Variants in ZNF257 observed in about 807,000 individuals in gnomAD.
ZNF257 encodes zinc finger protein 257.
A neutral mutation model predicts 11.9 loss-of-function variants in ZNF257; 12 were observed. The ratio of observed to expected loss-of-function variants is 1.01; its 90% CI spans 0.65 to 1.63. ZNF257 has a LOEUF of 1.63. ZNF257 is among the 40% of genes most tolerant of loss of function. ZNF257 has a pLI of 0.00. For synonymous variants in ZNF257, 183 were observed against 222.7 expected (o/e 0.82, Z 1.59); for missense variants, 580 against 665.5 (o/e 0.87, Z 1.41).
At chr19:22,053,140 G>A (rs1018820503) in intron 1 of ZNF257, among the ~76,000 whole-genome samples, 1 of 152,148 alleles carries the variant, frequency 6.6e-6, no homozygotes. Context: ...GGAGGCCGAG[G>A]CAGGCGGATC....
intron 1 of ZNF257, among the ~76,000 whole-genome samples, chr19:22,071,935 T>C (rs774147708): frequency 2.6e-5 from 4 of 151,808 alleles, no homozygotes; most frequent in Non-Finnish European, 5.9e-5. Flanking sequence ...CAGAAAGTCC[T>C]GAAAAAAAAT....
chr19:22,084,736 G>GTT (rs55702537), intron 3 of ZNF257, among the ~76,000 whole-genome samples: 99 of 139,762 alleles, frequency 7.1e-4, no homozygotes, highest in South Asian at 2.3e-3. Context: ...AAATTTTAGG[G>GTT]TTTTTTTTTT....
Position 22,053,818 on chromosome 19 carries a change from C to T in ZNF257, c.3+1183C>T, listed in dbSNP as rs566992160. Among the ~76,000 whole-genome samples, 26 of 151,042 alleles carry T rather than the reference C, an allele frequency of 1.7e-4. No individual in the cohort carries two copies. In the East Asian group the frequency reaches 3.0e-3, roughly 17 times the overall value. The stretch of plus-strand genomic sequence containing the variant: ...TGCATGCCTGTAATCCCAGCTACTC[C>T]GGAGGCTGAGGCAGGAGAATCGCTT... On this transcript the variant is annotated intron_variant, in intron 1 of 3. Coordinates refer to ENST00000594947, the MANE Select transcript of ZNF257 (RefSeq NM_033468.4).
In ZNF257 at chr19:22,088,383, C is replaced by T; in HGVS notation, c.633C>T (p.Asn211=). The change falls in exon 4 of 4, where the codon AAC becomes AAT. Residue 211 remains asparagine, a synonymous_variant. Coordinates refer to ENST00000594947, the MANE Select transcript of ZNF257 (RefSeq NM_033468.4). ...GTGAAGAATGTGGCAAAGCCTTTAA[C>T]CAGTCCTCAGCTCTTACTCGACATA... ...HKCEECGKAF[N]QSSALTRHKM... is the part of the protein sequence containing the mutation. The T allele has an allele frequency of 6.2e-7, 1 of 1,612,230 alleles. No homozygotes were observed. The highest frequency in any genetic ancestry group is 1.7e-4 in the Middle Eastern group (1 of 6,056).
intron 3 of ZNF257, among the ~76,000 whole-genome samples, chr19:22,074,732 A>G (rs1157321584): frequency 6.6e-6 from 1 of 152,116 alleles, no homozygotes; most frequent in Non-Finnish European, 1.5e-5. Flanking sequence ...AGTGTATGGA[A>G]CCATAACTTG....
rs1252114373 is a variant in ZNF257 at position 22,089,197 on chromosome 19, G to A, written c.1447G>A (p.Gly483Arg). 2 of 1,612,958 alleles carry A rather than the reference G, an allele frequency of 1.2e-6. No individual in the cohort carries two copies. The highest frequency in any genetic ancestry group is 3.3e-5 in the Admixed American group (2 of 59,932). ...TACTCAACATAAAATAATTCATACT[G>A]GGGAGAAGCCCTACAAATGTGAAGA... ...HLTQHKIIHT[G>R]EKPYKCEECG... Residue 483 changes from glycine to arginine, a missense_variant, in exon 4 of 4, where the codon GGG becomes AGG. Physicochemically the swap from Gly to Arg is moderately radical, Grantham distance 125. Transcript: ENST00000594947.
At chr19:22,086,410 CTTTTA>C (rs987421904) in intron 3 of ZNF257, among the ~76,000 whole-genome samples, 6 of 151,808 alleles carry the variant, frequency 4.0e-5, no homozygotes, top group African/African-American at 1.5e-4. Flanking sequence ...AATTTCTGTT[CTTTTA>C]TTTTTCTAAT....
rs181745965 is a variant in ZNF257, at chr19:22,067,098, C to T, written c.4-5711C>T. On this transcript the variant is annotated intron_variant, in intron 1 of 3. Transcript: ENST00000594947. ...TTCCAGTCACCTCACAATTATGCTA[C>T]ATAGTATGTGCTGTCTCCTAAATAT... is the stretch of plus-strand genomic sequence containing the variant. Among the ~76,000 whole-genome samples the T allele has an allele frequency of 2.4e-4, 37 of 152,234 alleles. No homozygotes were observed. In the East Asian group the frequency reaches 7.1e-3, roughly 29 times the overall value.
At position 22,089,642 on chromosome 19, in the gene ZNF257, C is replaced by T. The variant is rs2022582569; in HGVS notation, c.*200C>T. 3 of 1,357,044 alleles carry T rather than the reference C, an allele frequency of 2.2e-6. No individual in the cohort carries two copies. Among genetic ancestry groups the T allele is most frequent in the African/African-American group, 1.5e-5 (1 of 67,892 alleles). The allele number at this position is 1,357,044 out of a possible 1,614,324, so 84.1% of individuals were successfully genotyped here. ...AACTCTTGAAATGTGATGAATGTGG[C>T]ATAGCCTCTTCCCAGTTCTCAACTC... On this transcript the variant is annotated 3_prime_UTR_variant, in exon 4 of 4. Coordinates refer to ENST00000594947, the MANE Select transcript of ZNF257 (RefSeq NM_033468.4).
chr19:22,069,174 A>C (rs1467223112), intron 1 of ZNF257, among the ~76,000 whole-genome samples: 1 of 152,192 alleles, frequency 6.6e-6, no homozygotes, highest in East Asian at 1.9e-4. Context: ...TAGATGTAGC[A>C]GTCATGGTCC....
At position 22,087,975 on chromosome 19, in the gene ZNF257, A is replaced by G; in HGVS notation, c.227-2A>G. 1 of 1,478,354 alleles carries G rather than the reference A, an allele frequency of 6.8e-7. No homozygotes were observed. Among genetic ancestry groups the G allele is most frequent in the Non-Finnish European group, 9.0e-7 (1 of 1,112,644 alleles). 91.6% of individuals were successfully genotyped at this position (1,478,354 alleles called of 1,614,324 possible). ...GTAATTTGTTGTTTTTATTTCTTTT[A>G]GTTATGTGTTCTCATATTGCTGAAG... On this transcript the variant is annotated splice_acceptor_variant, in intron 3 of 3. Coordinates refer to ENST00000594947, the MANE Select transcript of ZNF257 (RefSeq NM_033468.4). LOFTEE classifies it high-confidence loss of function.
chr19:22,058,754 C>A (rs1033082096), intron 1 of ZNF257, among the ~76,000 whole-genome samples: 1 of 152,150 alleles, frequency 6.6e-6, no homozygotes, highest in Non-Finnish European at 1.5e-5. Context: ...GAAAGAAGCT[C>A]GGATAGCAGA....
At chr19:22,066,426 GT>G (rs1484524179) in intron 1 of ZNF257, 2 of 153,734 alleles carry the variant, frequency 1.3e-5, no homozygotes, top group African/African-American at 4.8e-5. Flanking sequence ...TACTGTGGCA[GT>G]TTGGGTTCAC....
rs1219944353 is a variant in ZNF257 at position 22,090,115 on chromosome 19, T to C, written c.*673T>C. The C allele has an allele frequency of 6.6e-6, 1 of 152,318 alleles. No homozygotes were observed. The highest frequency in any genetic ancestry group is 1.5e-5 in the Non-Finnish European group (1 of 68,166). 9.4% of individuals were successfully genotyped at this position (152,318 alleles called of 1,614,324 possible). A position where few individuals can be genotyped will look rare whatever the true frequency, so the allele number is the denominator to read the frequency against. On this transcript the variant is annotated 3_prime_UTR_variant, in exon 4 of 4. Coordinates refer to ENST00000594947, the MANE Select transcript of ZNF257 (RefSeq NM_033468.4). ...ATAGTTGAGAAATGGTGTACAAATA[T>C]AAAGAATGTGGAAAAGTCATTAATA...
chr19:22,080,013 T>C (rs1441098410), intron 3 of ZNF257, among the ~76,000 whole-genome samples: 1 of 152,110 alleles, frequency 6.6e-6, no homozygotes, highest in Non-Finnish European at 1.5e-5. Flanking sequence ...AGGATCTTAC[T>C]CTGTCACCTA....
chr19:22,062,709 C>T (rs1262438162), intron 1 of ZNF257, among the ~76,000 whole-genome samples: 1 of 151,952 alleles, frequency 6.6e-6, no homozygotes, highest in Non-Finnish European at 1.5e-5. Flanking sequence ...CTTGAACTCC[C>T]GACCTCAGGT....
intron 3 of ZNF257, among the ~76,000 whole-genome samples, chr19:22,077,982 G>A (rs1325072174): frequency 6.6e-6 from 1 of 151,450 alleles, no homozygotes; most frequent in Non-Finnish European, 1.5e-5. Flanking sequence ...GCTCATGCTT[G>A]TAATCCTAGC....
intron 3 of ZNF257, among the ~76,000 whole-genome samples, chr19:22,084,458 T>C (rs1176099282): frequency 6.6e-6 from 1 of 151,810 alleles, no homozygotes; most frequent in African/African-American, 2.4e-5. Context: ...TTTTGAAGAT[T>C]GTTGGGTACT....
intron 3 of ZNF257, chr19:22,074,223 A>C (rs2022174790): frequency 6.6e-6 from 1 of 152,028 alleles, no homozygotes; most frequent in African/African-American, 2.4e-5. Flanking sequence ...ATATTCTTTC[A>C]ACTCATAGAC....
Sources: allele counts gnomAD v4.1 joint callset (sites outside exome capture counted in the v4.1 genomes callset), GRCh38; gene constraint gnomAD v4.1.1; transcripts MANE v1.5; gene names NCBI Gene and HGNC (gene_info 2026-07-23, HGNC 2026-07-21).